EPM2A: variants seen among roughly 807,000 people sequenced by gnomAD.
The protein encoded by EPM2A is EPM2A glucan phosphatase, laforin.
A neutral mutation model predicts 26.5 loss-of-function variants in EPM2A; 21 were observed. That is an observed-to-expected ratio of 0.79 (90% CI 0.56 to 1.14). The LOEUF is 1.14. EPM2A is among the 50% of genes most tolerant of loss of function. The pLI is 0.00. For missense variants in EPM2A, 458 were observed against 440.8 expected, an observed-to-expected ratio of 1.04 and a Z score of -0.35; for synonymous variants, 217 against 177.6, an observed-to-expected ratio of 1.22 and a Z score of -1.76.
intron 1 of EPM2A, among the ~76,000 whole-genome samples, chr6:145,732,931 G>A (rs1023602118): frequency 1.3e-5 from 2 of 152,138 alleles, no homozygotes; most frequent in African/African-American, 4.8e-5. Context: ...TGTGAGCTGA[G>A]GTGACACGCC....
At chr6:145,499,071 A>G (rs762528151), downstream of EPM2A, among the ~76,000 whole-genome samples, 3 of 152,178 alleles carry the variant, frequency 2.0e-5, no homozygotes, top group African/African-American at 7.2e-5. Context: ...GATTCTTCAC[A>G]CTATAGCCAG....
intron 4 of EPM2A, among the ~76,000 whole-genome samples, chr6:145,402,101 C>T (rs1025783686): frequency 2.9e-4 from 44 of 151,982 alleles, no homozygotes; most frequent in African/African-American, 1.0e-3. Context: ...ATTACCTCTC[C>T]CAAAATACTT....
At chr6:145,434,195 A>G (rs1268621637) in intron 4 of EPM2A, among the ~76,000 whole-genome samples, 1 of 151,500 alleles carries the variant, frequency 6.6e-6, no homozygotes, top group Non-Finnish European at 1.5e-5. Context: ...TCTTTTGAAT[A>G]ATGTATCCTT....
chr6:145,488,302 T>G (rs752425335), intron 4 of EPM2A, among the ~76,000 whole-genome samples: 2 of 152,146 alleles, frequency 1.3e-5, no homozygotes, highest in Non-Finnish European at 2.9e-5. Context: ...ATATTCAAGC[T>G]CTTTTTAGGT....
chr6:145,606,648 T>C (rs58437068), intron 2 of EPM2A, among the ~76,000 whole-genome samples: 2,136 of 152,214 alleles, frequency 0.014, 45 homozygotes, highest in African/African-American at 0.048. Context: ...ATATATATAA[T>C]TATGGGAGTC....
intron 4 of EPM2A, among the ~76,000 whole-genome samples, chr6:145,470,690 C>T (rs1216581486): frequency 6.6e-6 from 1 of 152,122 alleles, no homozygotes; most frequent in Non-Finnish European, 1.5e-5. Flanking sequence ...TTTGAATACA[C>T]AAGTTTTATA....
At chr6:145,539,372 T>A (rs941377822) in intron 2 of EPM2A, among the ~76,000 whole-genome samples, 3 of 152,212 alleles carry the variant, frequency 2.0e-5, no homozygotes, top group Non-Finnish European at 4.4e-5. Context: ...ACAGTAGCAT[T>A]CATTGTACAG....
intron 2 of EPM2A, among the ~76,000 whole-genome samples, chr6:145,641,970 G>A (rs1777117531): frequency 6.6e-6 from 1 of 152,164 alleles, no homozygotes; most frequent in South Asian, 2.1e-4. Flanking sequence ...TGATGTAAGA[G>A]CACAGTCTCT....
intron 2 of EPM2A, among the ~76,000 whole-genome samples, chr6:145,538,333 G>C (rs1780462678): frequency 6.6e-6 from 1 of 152,030 alleles, no homozygotes; most frequent in African/African-American, 2.4e-5. Flanking sequence ...TTGGAAATAA[G>C]AAGAACTTGG....
intron 2 of EPM2A, among the ~76,000 whole-genome samples, chr6:145,529,221 T>C (rs1158313994): frequency 6.6e-6 from 1 of 152,196 alleles, no homozygotes; most frequent in East Asian, 1.9e-4. Flanking sequence ...ATAAATTTAG[T>C]TGATAAATCA....
At chr6:145,519,664 G>A (rs1780177641) in intron 2 of EPM2A, among the ~76,000 whole-genome samples, 1 of 152,178 alleles carries the variant, frequency 6.6e-6, no homozygotes, top group Non-Finnish European at 1.5e-5. Flanking sequence ...ACCCCAGAAT[G>A]TAAGTTTCCA....
chr6:145,600,204 C>CT (rs2128549890), intron 2 of EPM2A, among the ~76,000 whole-genome samples: 1 of 152,060 alleles, frequency 6.6e-6, no homozygotes, highest in South Asian at 2.1e-4. Context: ...CCATTTTTAT[C>CT]TTTTTACATT....
At chr6:145,498,482 C>T (rs1211981607), downstream of EPM2A, among the ~76,000 whole-genome samples, 1 of 152,214 alleles carries the variant, frequency 6.6e-6, no homozygotes, top group African/African-American at 2.4e-5. Context: ...CTTCACACAG[C>T]TCTGTGTGTC....
intron 2 of EPM2A, among the ~76,000 whole-genome samples, chr6:145,675,635 C>T (rs1370981000): frequency 6.6e-6 from 1 of 152,084 alleles, no homozygotes; most frequent in Non-Finnish European, 1.5e-5. Flanking sequence ...GGGTTGCAAT[C>T]CTAGTCACCA....
intron 2 of EPM2A, among the ~76,000 whole-genome samples, chr6:145,611,018 G>T (rs1775380966): frequency 6.6e-6 from 1 of 152,060 alleles, no homozygotes; most frequent in South Asian, 2.1e-4. Context: ...TCTATAATGA[G>T]CTACAGGAAA....
At chr6:145,621,273 T>C (rs1229403881), downstream of EPM2A, among the ~76,000 whole-genome samples, 1 of 152,260 alleles carries the variant, frequency 6.6e-6, no homozygotes, top group Non-Finnish European at 1.5e-5. Flanking sequence ...TGATGAGATT[T>C]CCTTCTGTTT....
Position 145,664,215 on chromosome 6 carries a change from C to A in EPM2A, c.476+21907G>T, listed in dbSNP as rs529194945. 8.1e-5 allele frequency among the ~76,000 whole-genome samples: 7 copies of A among 86,562 alleles called. 2 individuals carry two copies. The Admixed American group carries it at 8.9e-4, about 11-fold the overall frequency. 56.8% of individuals were successfully genotyped at this position (86,562 alleles called of 152,430 possible). A position where few individuals can be genotyped will look rare whatever the true frequency, so the allele number is the denominator to read the frequency against. On this transcript the variant is annotated intron_variant, in intron 2 of 3. Coordinates refer to ENST00000367519, the MANE Select transcript of EPM2A (RefSeq NM_005670.4). ...AAATTCTCCAATTAAAAGACACAGA[C>A]TGGCAAGTTGGATAGAGTCAAGACC...
At chr6:145,595,090 A>G (rs904730026) in intron 2 of EPM2A, among the ~76,000 whole-genome samples, 3 of 150,890 alleles carry the variant, frequency 2.0e-5, no homozygotes, top group Non-Finnish European at 4.4e-5. Flanking sequence ...ATTCATTCTA[A>G]GATTAGCAGA....
intron 1 of EPM2A, among the ~76,000 whole-genome samples, chr6:145,697,744 C>T (rs144259415): frequency 0.011 from 1,653 of 152,270 alleles, 13 homozygotes; most frequent in Admixed American, 0.017. Context: ...CTGTTCCGCC[C>T]AGCTCACTGG....
Sources: gnomAD v4.1 joint callset for allele counts (sites outside exome capture counted in the v4.1 genomes callset) on GRCh38, gnomAD v4.1.1 for gene constraint, MANE v1.5 for transcripts, NCBI Gene and HGNC (gene_info 2026-07-23, HGNC 2026-07-21) for gene names.